STYXL2: variants seen among roughly 807,000 people sequenced by gnomAD.
STYXL2 encodes serine/threonine/tyrosine interacting like 2, also known as serine/threonine/tyrosine-interacting-like protein 2.
A neutral mutation model predicts 52.4 loss-of-function variants in STYXL2; 44 were observed. The ratio of observed to expected loss-of-function variants is 0.84; its 90% CI spans 0.66 to 1.08. The LOEUF is 1.08. Among genes scored for constraint, STYXL2 ranks in the 50% least tolerant of loss-of-function variants. The pLI, the probability that STYXL2 is intolerant of heterozygous loss-of-function variation, is 0.00. For missense variants in STYXL2, 1,604 were observed against 1,471.7 expected (o/e 1.09, Z -1.47); for synonymous variants, 604 against 586.9 (o/e 1.03, Z -0.42).
chr1:167,121,914 A>G (rs754143378), intron 5 of STYXL2, among the ~76,000 whole-genome samples: 19 of 152,174 alleles, frequency 1.2e-4, no homozygotes, highest in Non-Finnish European at 2.2e-4. Context: ...CTACTCCACT[A>G]CAGAGAGTTC....
intron 5 of STYXL2, among the ~76,000 whole-genome samples, chr1:167,123,809 A>T (rs1489609038): frequency 1.3e-5 from 2 of 152,118 alleles, no homozygotes; most frequent in Non-Finnish European, 2.9e-5. Context: ...TTTTTAGTAG[A>T]GACAGGGTTT....
chr1:167,112,111 C>G (rs1667633751), intron 2 of STYXL2, among the ~76,000 whole-genome samples: 1 of 152,162 alleles, frequency 6.6e-6, no homozygotes, highest in Non-Finnish European at 1.5e-5. Flanking sequence ...CCACCCCACT[C>G]CGCAGTCATA....
intron 2 of STYXL2, among the ~76,000 whole-genome samples, chr1:167,098,036 G>A (rs920366673): frequency 1.5e-4 from 19 of 125,898 alleles, no homozygotes; most frequent in Middle Eastern, 0.012. Flanking sequence ...TTTTTGAGAC[G>A]GAGTCTCGCT....
Position 167,128,813 on chromosome 1 carries a change from G to A in STYXL2, c.*205G>A, listed in dbSNP as rs755927020. 1.9e-5 allele frequency: 15 copies of A among 781,934 alleles called. No homozygotes were observed. Among genetic ancestry groups the A allele is most frequent in the South Asian group, 1.2e-4 (6 of 50,110 alleles). The allele number at this position is 781,934 out of a possible 1,614,324, so 48.4% of individuals were successfully genotyped here. On this transcript the variant is annotated 3_prime_UTR_variant, in exon 6 of 6. Coordinates refer to ENST00000361200, the MANE Select transcript of STYXL2 (RefSeq NM_001080426.3). Reference sequence around the variant, plus strand: ...GGGGGAGAACCATCAATACGAATACGAGGTCCGAATGCGGACCAACTGATA... The same window carrying A: ...GGGGGAGAACCATCAATACGAATACAAGGTCCGAATGCGGACCAACTGATA...
At chr1:167,119,562 G>A (rs985041751) in intron 5 of STYXL2, 96 bp downstream of exon 5, 23 of 1,052,462 alleles carry the variant, frequency 2.2e-5, no homozygotes, top group South Asian at 2.9e-5. Flanking sequence ...CGTGTGTGAG[G>A]GGTATCTGTC....
rs549321155 is a variant in STYXL2, at chr1:167,109,943, T to A, written c.111-3767T>A. Among the ~76,000 whole-genome samples the A allele has an allele frequency of 7.7e-4, 117 of 152,228 alleles. 1 individual carries two copies. Among genetic ancestry groups the A allele is most frequent in the Non-Finnish European group, 1.2e-3 (82 of 68,006 alleles). ...AAAACGAGTGCAGTAAACAAACCTA[T>A]AACCAAGGACCCTCACAGAGTCCAT... On this transcript the variant is annotated intron_variant, in intron 2 of 5. Coordinates refer to ENST00000361200, the MANE Select transcript of STYXL2 (RefSeq NM_001080426.3).
chr1:167,127,037 A>G lies in STYXL2; in HGVS notation c.1906A>G (p.Thr636Ala). Residue 636 changes from threonine (T) to alanine (A), a missense_variant, in exon 6 of 6, where the codon ACG becomes GCG. Thr to Ala is a moderately conservative substitution (Grantham distance 58, BLOSUM62 0). Coordinates refer to ENST00000361200, the MANE Select transcript of STYXL2 (RefSeq NM_001080426.3). The part of the protein sequence containing the change: ...RLELLERSRQ[T>A]LEESQSMASW... ...GGAGCTGCTGGAGAGAAGCCGGCAG[A>G]CGCTGGAGGAGAGCCAGTCTATGGC... 3 of 1,607,618 alleles carry G rather than the reference A, an allele frequency of 1.9e-6. No homozygotes were observed. The highest frequency in any genetic ancestry group is 2.6e-6 in the Non-Finnish European group (3 of 1,175,852).
chr1:167,127,071 AG>A lies in STYXL2; in HGVS notation c.1942del (p.Ala648ArgfsTer32). 1 of 1,612,970 alleles carries A rather than the reference AG, an allele frequency of 6.2e-7. No individual in the cohort carries two copies. Among genetic ancestry groups the A allele is most frequent in the South Asian group, 1.1e-5 (1 of 90,934 alleles). The stretch of plus-strand genomic sequence containing the variant: ...GAGAGCCAGTCTATGGCAAGCTGGG[AG>A]GCGGACAGCTCCACGGCCAGCGGGA... ...LEESQSMASWEADSSTASGSI... is the reference protein window; with the variant it reads ...LEESQSMASWXADSSTASGSI... On this transcript the variant is annotated frameshift_variant, in exon 6 of 6. Coordinates refer to ENST00000361200, the MANE Select transcript of STYXL2 (RefSeq NM_001080426.3). LOFTEE classifies it low-confidence loss of function (END_TRUNC).
At position 167,127,219 on chromosome 1, in the gene STYXL2, G is replaced by A. The variant is rs201239266; in HGVS notation, c.2088G>A (p.Ala696=). The part of the protein sequence containing the change: ...SHLSQAASNI[A]GCSTSNPTTP... ...TGTCTCAGGCTGCAAGCAACATAGC[G>A]GGGTGTTCAACCTCCAACCCCACCA... is the stretch of plus-strand genomic sequence containing the variant. Residue 696 remains alanine (A), a synonymous_variant, in exon 6 of 6, where the codon GCG becomes GCA. Transcript: ENST00000361200. 1.7e-5 allele frequency: 27 copies of A among 1,614,120 alleles called. No homozygotes were observed. The highest frequency in any genetic ancestry group is 5.0e-5 in the Admixed American group (3 of 60,010).
intron 3 of STYXL2, among the ~76,000 whole-genome samples, chr1:167,116,164 G>A (rs971783810): frequency 3.9e-5 from 6 of 152,158 alleles, no homozygotes; most frequent in African/African-American, 1.4e-4. Flanking sequence ...CATGTGAGAG[G>A]AACGATTTTG....
chr1:167,110,859 T>C (rs866705086), intron 2 of STYXL2, among the ~76,000 whole-genome samples: 48 of 152,276 alleles, frequency 3.2e-4, no homozygotes, highest in African/African-American at 1.1e-3. Context: ...CCAACCCCTC[T>C]CTTGTAGAAA....
chr1:167,114,956 C>T (rs926846659), intron 3 of STYXL2, among the ~76,000 whole-genome samples: 5 of 152,196 alleles, frequency 3.3e-5, no homozygotes, highest in South Asian at 2.1e-4. Context: ...ACCTTCCACT[C>T]TGCATCATCT....
In STYXL2 at chr1:167,127,684, G is replaced by T; in HGVS notation, c.2553G>T (p.Met851Ile). Residue 851 changes from methionine (M) to isoleucine (I), a missense_variant, in exon 6 of 6, where the codon ATG (methionine) becomes ATT (isoleucine). Physicochemically the swap from Met to Ile is conservative, Grantham distance 10. Transcript: ENST00000361200. ...KEMQMELREK[M>I]SEYKMEKLAS... ...TGCAGATGGAGCTTAGGGAGAAGATGTCTGAGTACAAAATGGAAAAGCTGG... is the reference window on the plus strand; with the variant it reads ...TGCAGATGGAGCTTAGGGAGAAGATTTCTGAGTACAAAATGGAAAAGCTGG... The T allele has an allele frequency of 6.2e-7, 1 of 1,614,134 alleles. No homozygotes were observed. Among genetic ancestry groups the T allele is most frequent in the Non-Finnish European group, 8.5e-7 (1 of 1,180,030 alleles).
intron 3 of STYXL2, among the ~76,000 whole-genome samples, chr1:167,116,651 G>GTTTTTTTTTTTTTTTTTTGGT (rs57553225): frequency 8.8e-6 from 1 of 113,762 alleles, no homozygotes; most frequent in Non-Finnish European, 1.7e-5. Flanking sequence ...TTTTTTTTTG[G>GTTTTTTTTTTTTTTTTTTGGT]TTTTTTTTTT....
chr1:167,113,778 T>C lies in STYXL2; in HGVS notation c.179T>C (p.Ile60Thr), dbSNP rs1667665184. Residue 60 changes from isoleucine to threonine, a missense_variant, in exon 3 of 6, where the codon ATT becomes ACT. Coordinates refer to ENST00000361200, the MANE Select transcript of STYXL2 (RefSeq NM_001080426.3). ...GAACCCATTCACCTCTCCTCAGCCA[T>C]TGCAGCCAAACAGATCATCAATGAA... ...FMEPIHLSSAIAAKQIINEEL... is the reference protein window; with the variant it reads ...FMEPIHLSSATAAKQIINEEL... 3 of 1,613,886 alleles carry C rather than the reference T, an allele frequency of 1.9e-6. No individual in the cohort carries two copies. Among genetic ancestry groups the C allele is most frequent in the South Asian group, 1.1e-5 (1 of 91,080 alleles).
chr1:167,121,403 C>G (rs1227109139), intron 5 of STYXL2, among the ~76,000 whole-genome samples: 3 of 152,246 alleles, frequency 2.0e-5, no homozygotes, highest in Non-Finnish European at 4.4e-5. Context: ...TGTGTCCCAC[C>G]TCGCTCGCAG....
In STYXL2 at chr1:167,094,844, G is replaced by A. The variant is rs775199326; in HGVS notation, c.-6G>A. On this transcript the variant is annotated 5_prime_UTR_variant, in exon 2 of 6. Coordinates refer to ENST00000361200, the MANE Select transcript of STYXL2 (RefSeq NM_001080426.3). ...TTGCCAAACTTTCAGAGGTTGGCAG[G>A]TTGTCATGGCGACCAGAAAGGACAC... 6.2e-7 allele frequency: 1 copy of A among 1,611,714 alleles called. No homozygotes were observed. Among genetic ancestry groups the A allele is most frequent in the East Asian group, 2.2e-5 (1 of 44,820 alleles).
chr1:167,100,653 C>T (rs1667385645), intron 2 of STYXL2, among the ~76,000 whole-genome samples: 1 of 152,220 alleles, frequency 6.6e-6, no homozygotes, highest in Non-Finnish European at 1.5e-5. Flanking sequence ...GAAAGACCCA[C>T]TTTACTGTAC....
chr1:167,114,841 C>T (rs1455813052), intron 3 of STYXL2, among the ~76,000 whole-genome samples: 1 of 151,762 alleles, frequency 6.6e-6, no homozygotes, highest in African/African-American at 2.4e-5. Flanking sequence ...GCCCACTAAC[C>T]CAGGCAGTGT....
Sources: allele counts gnomAD v4.1 joint callset (sites outside exome capture counted in the v4.1 genomes callset), GRCh38; gene constraint gnomAD v4.1.1; transcripts MANE v1.5; gene names NCBI Gene and HGNC (gene_info 2026-07-23, HGNC 2026-07-21).